ZFHX3: variants seen among roughly 807,000 people sequenced by gnomAD.
ZFHX3 encodes zinc finger homeobox 3.
A neutral mutation model predicts 279.1 loss-of-function variants in ZFHX3; 42 were observed. The observed-to-expected ratio is 0.15, with a 90% confidence interval of 0.12 to 0.19. The LOEUF (loss-of-function observed/expected upper bound fraction) is 0.19, where lower values mean the gene tolerates loss of function less well. ZFHX3 is among the 10% of genes least tolerant of loss of function. ZFHX3 has a pLI of 1.00. For missense variants in ZFHX3, 4,981 were observed against 4,754.0 expected (o/e 1.05, Z -1.40); for synonymous variants, 2,293 against 1,957.8 (o/e 1.17, Z -4.52).
intron 1 of ZFHX3, among the ~76,000 whole-genome samples, chr16:73,699,249 G>T (rs1027708787): frequency 5.3e-5 from 8 of 152,144 alleles, no homozygotes; most frequent in Non-Finnish European, 1.5e-5. Flanking sequence ...AGCTGATAGT[G>T]GGGGTGTGTA....
At chr16:72,993,924 C>A (rs16971481) in intron 1 of ZFHX3, among the ~76,000 whole-genome samples, 20,359 of 152,084 alleles carry the variant, frequency 0.13, 1,736 homozygotes, top group East Asian at 0.41. Context: ...GTTATAAAAA[C>A]CAGGGTAGCA....
intron 2 of ZFHX3, among the ~76,000 whole-genome samples, chr16:73,489,756 C>G (rs2019029175): frequency 6.6e-6 from 1 of 151,864 alleles, no homozygotes. Flanking sequence ...TAAAAAGAAA[C>G]AAAATTCTGA....
chr16:73,057,807 G>A (rs1362253092), intron 1 of ZFHX3, among the ~76,000 whole-genome samples: 1 of 150,898 alleles, frequency 6.6e-6, no homozygotes, highest in Non-Finnish European at 1.5e-5. Flanking sequence ...GCTCCGAACG[G>A]GCTCCCGCGT....
chr16:73,291,373 T>G (rs1205443582), intron 4 of ZFHX3, among the ~76,000 whole-genome samples: 1 of 152,188 alleles, frequency 6.6e-6, no homozygotes, highest in Non-Finnish European at 1.5e-5. Context: ...CTCTCGGAGT[T>G]TCCAGGTTCT....
chr16:73,476,539 A>G lies in ZFHX3; in HGVS notation c.-1546-20281T>C, dbSNP rs1156511723. Among the ~76,000 whole-genome samples, 3 of 152,310 alleles carry G rather than the reference A, an allele frequency of 2.0e-5. No individual in the cohort carries two copies. The East Asian group carries it at 5.8e-4, about 29-fold the overall frequency. ...AGAATATTGTGGCTTGATTGCTCTAATGGAGTATACACAAATATTTGTAAA... is the reference window on the plus strand; with the variant it reads ...AGAATATTGTGGCTTGATTGCTCTAGTGGAGTATACACAAATATTTGTAAA... On this transcript the variant is annotated intron_variant, in intron 2 of 17. Coordinates refer to the ZFHX3 transcript ENST00000641206.
chr16:72,874,897 T>C (rs1350137898), intron 4 of ZFHX3, among the ~76,000 whole-genome samples: 1 of 152,162 alleles, frequency 6.6e-6, no homozygotes, highest in African/African-American at 2.4e-5. Flanking sequence ...GCTGTCTTCA[T>C]AGCCTGTGAT....
chr16:73,475,651 A>G (rs771636700), intron 2 of ZFHX3, among the ~76,000 whole-genome samples: 5 of 152,110 alleles, frequency 3.3e-5, no homozygotes, highest in Non-Finnish European at 7.4e-5. Context: ...AACTTCCTCA[A>G]TTGAATGTTA....
intron 4 of ZFHX3, among the ~76,000 whole-genome samples, chr16:72,860,738 C>A (rs1291336478): frequency 1.3e-5 from 2 of 152,140 alleles, no homozygotes; most frequent in Admixed American, 6.5e-5. Flanking sequence ...CCAAAATTTA[C>A]AAACTTTTAG....
chr16:72,855,590 G>C (rs775518069), intron 4 of ZFHX3, among the ~76,000 whole-genome samples: 3 of 152,176 alleles, frequency 2.0e-5, no homozygotes, highest in Non-Finnish European at 4.4e-5. Flanking sequence ...CTCAGCAGAG[G>C]GAGGAGTGAA....
rs1567550577 is a variant in ZFHX3 at position 73,682,910 on chromosome 16, A to AAG, written c.-1607-2672_-1607-2671dup. 7.9e-3 allele frequency among the ~76,000 whole-genome samples: 483 copies of AAG among 60,928 alleles called. 48 individuals carry two copies. The highest frequency in any genetic ancestry group is 0.017 in the African/African-American group (233 of 13,486). The allele number at this position is 60,928 out of a possible 152,430, so 40.0% of individuals were successfully genotyped here. ...AGAAAGAAAGAAAGAAAGAAAGAGA[A>AAG]AGAAAGAGAGAAAGAGAAAGAAAGA... On this transcript the variant is annotated intron_variant, in intron 1 of 17. Transcript: ENST00000641206.
At position 73,337,898 on chromosome 16, in the gene ZFHX3, G is replaced by T. The variant is rs903344657; in HGVS notation, c.-1290-19562C>A. Reference sequence around the variant, plus strand: ...AGTCTTCATCTTCCCTTGGCGGGGGGGGGGGTCCTCATCCCCTTTTTATGC... The same window carrying T: ...AGTCTTCATCTTCCCTTGGCGGGGGTGGGGGTCCTCATCCCCTTTTTATGC... On this transcript the variant is annotated intron_variant, in intron 3 of 17. Transcript: ENST00000641206. Among the ~76,000 whole-genome samples, 2 of 142,690 alleles carry T rather than the reference G, an allele frequency of 1.4e-5. 1 individual carries two copies. Among genetic ancestry groups the T allele is most frequent in the Admixed American group, 1.4e-4 (2 of 14,604 alleles). The allele number at this position is 142,690 out of a possible 152,430, so 93.6% of individuals were successfully genotyped here. A position where few individuals can be genotyped will look rare whatever the true frequency, so the allele number is the denominator to read the frequency against.
At chr16:73,558,314 T>C (rs2143783899) in intron 2 of ZFHX3, 1 of 152,264 alleles carries the variant, frequency 6.6e-6, no homozygotes, top group African/African-American at 2.4e-5. Context: ...AGAAAACAGA[T>C]CCCCTATAAA....
intron 1 of ZFHX3, among the ~76,000 whole-genome samples, chr16:73,732,916 G>A (rs328354): frequency 0.87 from 132,456 of 152,182 alleles, 58,570 homozygotes; most frequent in Non-Finnish European, 0.95. Context: ...GAAGTGGAAA[G>A]TTACAGCAGT....
chr16:73,465,380 C>T (rs2018548221), intron 2 of ZFHX3, among the ~76,000 whole-genome samples: 1 of 152,210 alleles, frequency 6.6e-6, no homozygotes, highest in South Asian at 2.1e-4. Context: ...TCTTCTGTAT[C>T]ACTTCCTTGG....
chr16:73,361,458 G>A (rs140577800), intron 3 of ZFHX3, among the ~76,000 whole-genome samples: 4 of 152,334 alleles, frequency 2.6e-5, no homozygotes, highest in South Asian at 2.1e-4. Flanking sequence ...GAAATCATGC[G>A]GAATACCACT....
chr16:73,820,965 T>C (rs1960721685), intron 1 of ZFHX3, among the ~76,000 whole-genome samples: 1 of 152,108 alleles, frequency 6.6e-6, no homozygotes. Flanking sequence ...TCTCATGTCA[T>C]TCTTGCAGTC....
chr16:73,712,966 G>A (rs1463237463), intron 1 of ZFHX3, among the ~76,000 whole-genome samples: 1 of 152,176 alleles, frequency 6.6e-6, no homozygotes, highest in Non-Finnish European at 1.5e-5. Context: ...GCATTGCTCA[G>A]AGCCCTGGAC....
chr16:72,897,881 C>T (rs2038936642), intron 3 of ZFHX3, among the ~76,000 whole-genome samples: 1 of 152,170 alleles, frequency 6.6e-6, no homozygotes, highest in African/African-American at 2.4e-5. Flanking sequence ...AGGACCAGAG[C>T]CTGAGACTTG....
At chr16:73,576,923 C>T (rs1347268350) in intron 2 of ZFHX3, among the ~76,000 whole-genome samples, 1 of 152,162 alleles carries the variant, frequency 6.6e-6, no homozygotes, top group Non-Finnish European at 1.5e-5. Flanking sequence ...AATGACATGT[C>T]TAAAACCTCA....
Sources: gnomAD v4.1 joint callset for allele counts (sites outside exome capture counted in the v4.1 genomes callset) on GRCh38, gnomAD v4.1.1 for gene constraint, MANE v1.5 for transcripts, NCBI Gene and HGNC (gene_info 2026-07-23, HGNC 2026-07-21) for gene names.